The following MECOM variants were observed in gnomAD, a reference collection of about 807,000 sequenced individuals.
The protein encoded by MECOM is histone-lysine N-methyltransferase MECOM.
A neutral mutation model predicts 116.3 loss-of-function variants in MECOM; 13 were observed. That is an observed-to-expected ratio of 0.11 (90% confidence interval 0.07 to 0.18). MECOM has a LOEUF of 0.18. Ranked by LOEUF, MECOM falls within the 10% of genes least tolerant of loss-of-function variation. The probability of loss-of-function intolerance (pLI) is 1.00; values close to 1 mark genes in which losing one functional copy is unlikely to be tolerated. For synonymous variants in MECOM, 528 were observed against 535.2 expected (o/e 0.99, Z 0.19); for missense variants, 1,299 against 1,509.0 (o/e 0.86, Z 2.31).
chr3:169,474,485 T>A (rs1299704339), intron 1 of MECOM, among the ~76,000 whole-genome samples: 1 of 152,192 alleles, frequency 6.6e-6, no homozygotes, highest in South Asian at 2.1e-4. Flanking sequence ...ATGGGACAGT[T>A]TTATTGCAAC....
chr3:169,443,881 C>T (rs572210918), intron 1 of MECOM, among the ~76,000 whole-genome samples: 4 of 152,174 alleles, frequency 2.6e-5, no homozygotes, highest in Non-Finnish European at 5.9e-5. Flanking sequence ...GGACTCTCAG[C>T]ACTAGACAGT....
intron 2 of MECOM, among the ~76,000 whole-genome samples, chr3:169,274,423 C>G (rs1277478433): frequency 1.3e-5 from 2 of 152,142 alleles, no homozygotes; most frequent in Admixed American, 6.6e-5. Context: ...ACACTGTTTT[C>G]TGGATCTAAG....
intron 2 of MECOM, among the ~76,000 whole-genome samples, chr3:169,378,423 AAG>A (rs1331573228): frequency 1.4e-5 from 1 of 72,936 alleles, no homozygotes; most frequent in Non-Finnish European, 2.4e-5. Flanking sequence ...GAAAGAAAGA[AAG>A]AAAGAAAGAA....
intron 2 of MECOM, among the ~76,000 whole-genome samples, chr3:169,229,732 A>G (rs1753152706): frequency 6.6e-6 from 1 of 152,132 alleles, no homozygotes; most frequent in African/African-American, 2.4e-5. Context: ...TGAGTGTGAG[A>G]TTCTCTGCAC....
intron 1 of MECOM, among the ~76,000 whole-genome samples, chr3:169,562,856 G>T (rs763268104): frequency 3.0e-4 from 45 of 152,096 alleles, no homozygotes; most frequent in Admixed American, 3.9e-4. Context: ...GAGGTCAAGA[G>T]TTCAAGACCA....
At chr3:169,380,636 AC>A (rs1303149539) in intron 2 of MECOM, among the ~76,000 whole-genome samples, 2 of 152,130 alleles carry the variant, frequency 1.3e-5, no homozygotes, top group Non-Finnish European at 2.9e-5. Context: ...AAGAACCATA[AC>A]CTAATTCAGT....
chr3:169,400,633 G>C (rs1735727008), intron 1 of MECOM, among the ~76,000 whole-genome samples: 1 of 152,178 alleles, frequency 6.6e-6, no homozygotes. Context: ...TTTGATTCCT[G>C]CATTCTCAGA....
rs528023622 is a variant in MECOM at position 169,486,996 on chromosome 3, AT to A, written c.38-105473del. 2.9e-3 allele frequency among the ~76,000 whole-genome samples: 437 copies of A among 152,036 alleles called. 3 individuals carry two copies. Among genetic ancestry groups the A allele is most frequent in the African/African-American group, 9.8e-3 (407 of 41,492 alleles). ...TTTTAAATCATCAAGTTCTATTTAGATTTTTTTTAATTTGTCATTAGAGAAA... is the reference window on the plus strand; with the variant it reads ...TTTTAAATCATCAAGTTCTATTTAGATTTTTTTAATTTGTCATTAGAGAAA... On this transcript the variant is annotated intron_variant, in intron 1 of 16. Transcript: ENST00000651503.
At chr3:169,389,469 A>G in intron 1 of MECOM, 1 of 679,992 alleles carries the variant, frequency 1.5e-6, no homozygotes, top group African/African-American at 2.0e-5. Flanking sequence ...ATCACATATC[A>G]GATAGATAGT....
Position 169,319,433 on chromosome 3 carries a change from G to T in MECOM, c.375+61754C>A, listed in dbSNP as rs922300702. Among the ~76,000 whole-genome samples the T allele has an allele frequency of 2.6e-5, 4 of 152,226 alleles. No individual in the cohort carries two copies. The South Asian group carries it at 8.3e-4, about 32-fold the overall frequency. On this transcript the variant is annotated intron_variant, in intron 2 of 16. Coordinates refer to ENST00000651503, the MANE Select transcript of MECOM (RefSeq NM_004991.4). Reference sequence around the variant, plus strand: ...ACACTGGGGCCTGTCAGGGGGTGGGGGGTAGGGGAGGGATAACATTAGGAG... The same window carrying T: ...ACACTGGGGCCTGTCAGGGGGTGGGTGGTAGGGGAGGGATAACATTAGGAG...
At chr3:169,359,401 G>C (rs544035442) in intron 2 of MECOM, among the ~76,000 whole-genome samples, 2 of 151,862 alleles carry the variant, frequency 1.3e-5, no homozygotes, top group South Asian at 4.1e-4. Flanking sequence ...TATGGTAGGT[G>C]AGTAAGGAAT....
At position 169,472,508 on chromosome 3, in the gene MECOM, G is replaced by GAAAAGA. The variant is rs1560317589; in HGVS notation, c.38-90985_38-90984insTCTTTT. Among the ~76,000 whole-genome samples the GAAAAGA allele has an allele frequency of 1.0e-3, 87 of 84,144 alleles. 3 individuals carry two copies. The East Asian group carries it at 0.011, about 11-fold the overall frequency. 55.2% of individuals were successfully genotyped at this position (84,144 alleles called of 152,430 possible). The stretch of plus-strand genomic sequence containing the variant: ...GAAAGGAAAGGAAAGGAAAGGAAAG[G>GAAAAGA]AAAGGAAAGGAAAGAAAAGAAAAGA... On this transcript the variant is annotated intron_variant, in intron 1 of 16. Coordinates refer to ENST00000651503, the MANE Select transcript of MECOM (RefSeq NM_004991.4).
chr3:169,280,298 C>T (rs530900929), intron 2 of MECOM, among the ~76,000 whole-genome samples: 1 of 152,236 alleles, frequency 6.6e-6, no homozygotes, highest in Admixed American at 6.5e-5. Context: ...TTGTGAAATC[C>T]AGGCAAATAT....
At chr3:169,387,174 AT>A (rs1240715974) in intron 1 of MECOM, among the ~76,000 whole-genome samples, 9 of 152,180 alleles carry the variant, frequency 5.9e-5, no homozygotes, top group Non-Finnish European at 1.3e-4. Context: ...GGAAAAAAAG[AT>A]TCCCTTGAAT....
intron 1 of MECOM, among the ~76,000 whole-genome samples, chr3:169,453,552 G>A (rs1745958965): frequency 6.6e-6 from 1 of 152,156 alleles, no homozygotes; most frequent in Non-Finnish European, 1.5e-5. Flanking sequence ...AGGAAAAGGA[G>A]GAGTACTTCT....
At chr3:169,400,988 A>G (rs1439138526) in intron 1 of MECOM, among the ~76,000 whole-genome samples, 1 of 152,170 alleles carries the variant, frequency 6.6e-6, no homozygotes, top group Non-Finnish European at 1.5e-5. Context: ...TCAGATGGAA[A>G]CCCAACACCA....
chr3:169,111,035 C>A (rs1168538500), intron 9 of MECOM, among the ~76,000 whole-genome samples: 1 of 152,092 alleles, frequency 6.6e-6, no homozygotes, highest in African/African-American at 2.4e-5. Context: ...CTAACAGCTG[C>A]GAATTCATAC....
intron 1 of MECOM, among the ~76,000 whole-genome samples, chr3:169,392,737 C>T (rs1248351977): frequency 5.9e-5 from 9 of 152,124 alleles, no homozygotes; most frequent in East Asian, 1.9e-4. Context: ...ATGCCAGTCT[C>T]GTAGAACCTC....
chr3:169,145,400 T>C (rs534733971), intron 2 of MECOM: 24 of 252,032 alleles, frequency 9.5e-5, no homozygotes, highest in African/African-American at 5.0e-4. Flanking sequence ...GTTGAGAAGG[T>C]ACATAAATAA....
Sources: gnomAD v4.1 joint callset for allele counts (sites outside exome capture counted in the v4.1 genomes callset) on GRCh38, gnomAD v4.1.1 for gene constraint, MANE v1.5 for transcripts, NCBI Gene and HGNC (gene_info 2026-07-23, HGNC 2026-07-21) for gene names.